Variants in SLC2A13 observed in about 807,000 individuals in gnomAD.
SLC2A13 encodes the protein proton myo-inositol cotransporter.
SLC2A13 carries 32 observed loss-of-function variants against 64.4 expected under a neutral mutation model. That is an observed-to-expected ratio of 0.50 (90% CI 0.37 to 0.67). The LOEUF (loss-of-function observed/expected upper bound fraction) is 0.67, where lower values mean the gene tolerates loss of function less well. SLC2A13 is among the 30% of genes least tolerant of loss of function. The pLI is 0.00. For synonymous variants in SLC2A13, 338 were observed against 327.1 expected, an observed-to-expected ratio of 1.03 and a Z score of -0.36; for missense variants, 743 against 829.2, an observed-to-expected ratio of 0.90 and a Z score of 1.28.
chr12:40,050,356 C>T (rs1030067554), intron 1 of SLC2A13, among the ~76,000 whole-genome samples: 4 of 152,070 alleles, frequency 2.6e-5, no homozygotes, highest in South Asian at 2.1e-4. Flanking sequence ...ATAAAAAACA[C>T]ATAGATTTTA....
intron 3 of SLC2A13, among the ~76,000 whole-genome samples, chr12:40,010,226 A>C (rs1440089900): frequency 6.6e-6 from 1 of 152,242 alleles, no homozygotes; most frequent in Non-Finnish European, 1.5e-5. Flanking sequence ...AAGGAACATT[A>C]TTCAGAGACA....
chr12:39,850,102 T>C (rs1009385626), intron 6 of SLC2A13, among the ~76,000 whole-genome samples: 3 of 152,122 alleles, frequency 2.0e-5, no homozygotes, highest in African/African-American at 7.2e-5. Context: ...TGCTTTGGCC[T>C]GCTTGACTCC....
intron 1 of SLC2A13, among the ~76,000 whole-genome samples, chr12:40,055,994 A>C (rs370759249): frequency 1.2e-4 from 18 of 151,768 alleles, no homozygotes; most frequent in Admixed American, 5.3e-4. Context: ...AACAAACAAA[A>C]AAAAAACAAA....
At chr12:39,953,859 G>A (rs1204811323) in intron 3 of SLC2A13, among the ~76,000 whole-genome samples, 4 of 152,132 alleles carry the variant, frequency 2.6e-5, no homozygotes, top group African/African-American at 9.7e-5. Flanking sequence ...GGTTGTCCAG[G>A]TGGCAGAGGC....
chr12:39,927,374 A>G (rs1945747960), intron 4 of SLC2A13, among the ~76,000 whole-genome samples: 1 of 152,328 alleles, frequency 6.6e-6, no homozygotes, highest in African/African-American at 2.4e-5. Flanking sequence ...GAGTCATATG[A>G]AGTTTCCTGG....
At chr12:39,831,951 A>G (rs1470248937) in intron 6 of SLC2A13, among the ~76,000 whole-genome samples, 1 of 152,162 alleles carries the variant, frequency 6.6e-6, no homozygotes, top group African/African-American at 2.4e-5. Context: ...GTATTCCTTT[A>G]TAACAACAAA....
At position 39,830,126 on chromosome 12, in the gene SLC2A13, A is replaced by T. The variant is rs1210614884; in HGVS notation, c.1422T>A (p.Ser474=). 6.2e-6 allele frequency: 10 copies of T among 1,613,622 alleles called. No homozygotes were observed. Among genetic ancestry groups the T allele is most frequent in the Non-Finnish European group, 7.6e-6 (9 of 1,179,776 alleles). Residue 474 remains serine, a synonymous_variant, in exon 7 of 10, where the codon TCT becomes TCA. Coordinates refer to ENST00000280871, the MANE Select transcript of SLC2A13 (RefSeq NM_052885.4). ...DSSCVPVNKA[S]TNEAAWGRCE... ...ACCTGCCCCAGGCTGCCTCATTTGTAGATGCTTTATTAACTGGAACACAGG... is the reference window on the plus strand; with the variant it reads ...ACCTGCCCCAGGCTGCCTCATTTGTTGATGCTTTATTAACTGGAACACAGG...
intron 4 of SLC2A13, among the ~76,000 whole-genome samples, chr12:39,948,361 T>C (rs528197608): frequency 6.6e-6 from 1 of 152,216 alleles, no homozygotes; most frequent in South Asian, 2.1e-4. Flanking sequence ...ATATATGATA[T>C]ACTGTCTATA....
intron 2 of SLC2A13, among the ~76,000 whole-genome samples, chr12:40,039,378 A>T (rs1273827062): frequency 6.6e-6 from 1 of 152,132 alleles, no homozygotes. Context: ...GTACACAATA[A>T]TTTTTTACAT....
At chr12:39,762,182 C>A (rs1173911719) in intron 9 of SLC2A13, among the ~76,000 whole-genome samples, 1 of 152,000 alleles carries the variant, frequency 6.6e-6, no homozygotes, top group Non-Finnish European at 1.5e-5. Flanking sequence ...TGTGGGCAGA[C>A]CTGGGAGGCT....
chr12:39,931,920 C>T (rs906084010), intron 4 of SLC2A13, among the ~76,000 whole-genome samples: 1 of 151,758 alleles, frequency 6.6e-6, no homozygotes, highest in Non-Finnish European at 1.5e-5. Context: ...AGTATATTAT[C>T]CTAATATCAT....
intron 7 of SLC2A13, among the ~76,000 whole-genome samples, chr12:39,787,896 G>T (rs527807464): frequency 9.9e-5 from 15 of 152,224 alleles, no homozygotes; most frequent in Non-Finnish European, 1.9e-4. Flanking sequence ...GTAAAGAGTG[G>T]TATTGATGAA....
chr12:39,993,237 G>T (rs1386704084), intron 3 of SLC2A13, among the ~76,000 whole-genome samples: 1 of 152,110 alleles, frequency 6.6e-6, no homozygotes, highest in Non-Finnish European at 1.5e-5. Context: ...GACTATTCAA[G>T]AAATATTACT....
intron 4 of SLC2A13, among the ~76,000 whole-genome samples, chr12:39,904,182 T>A (rs1945208975): frequency 6.6e-6 from 1 of 152,130 alleles, no homozygotes; most frequent in Non-Finnish European, 1.5e-5. Context: ...AGCAATAATT[T>A]GTGGCAAGAA....
chr12:39,901,547 T>G (rs1287918904), intron 4 of SLC2A13, among the ~76,000 whole-genome samples: 2 of 129,882 alleles, frequency 1.5e-5, no homozygotes, highest in South Asian at 2.9e-4. Context: ...GAACAGACAC[T>G]TCTCAAAAGA....
chr12:39,945,772 ATTTCCTTGCAGTGGGC>A (rs995427473), intron 4 of SLC2A13, among the ~76,000 whole-genome samples: 9 of 151,734 alleles, frequency 5.9e-5, no homozygotes, highest in African/African-American at 2.2e-4. Flanking sequence ...CATTTTTTGG[ATTTCCTTGCAGTGGGC>A]TTTGCTCTTC....
chr12:40,064,308 C>G (rs146485054), intron 1 of SLC2A13, among the ~76,000 whole-genome samples: 2 of 151,898 alleles, frequency 1.3e-5, no homozygotes, highest in Non-Finnish European at 2.9e-5. Context: ...TGTATACTCA[C>G]GCATACATAC....
intron 7 of SLC2A13, among the ~76,000 whole-genome samples, chr12:39,812,416 TCCTTCCTG>T (rs1360502093): frequency 1.4e-5 from 2 of 142,186 alleles, no homozygotes; most frequent in Admixed American, 6.9e-5. Context: ...CTTCCTTCCT[TCCTTCCTG>T]CCTTCCTTCC....
chr12:40,026,885 G>T (rs1947818643), intron 3 of SLC2A13, among the ~76,000 whole-genome samples: 1 of 152,150 alleles, frequency 6.6e-6, no homozygotes, highest in Non-Finnish European at 1.5e-5. Flanking sequence ...TTCAAGACCA[G>T]CCTGGCCAAC....
Sources: gnomAD v4.1 joint callset for allele counts (sites outside exome capture counted in the v4.1 genomes callset) on GRCh38, gnomAD v4.1.1 for gene constraint, MANE v1.5 for transcripts, NCBI Gene and HGNC (gene_info 2026-07-23, HGNC 2026-07-21) for gene names.